The following C1QTNF2 variants were observed in gnomAD, a reference collection of about 807,000 sequenced individuals.
C1QTNF2 encodes the protein C1q and TNF related 2.
Under a neutral mutation model 17.4 loss-of-function variants are expected in C1QTNF2, and 15 were observed. The observed-to-expected ratio is 0.86, with a 90% confidence interval of 0.58 to 1.33. The LOEUF is 1.33. C1QTNF2 is among the 40% of genes most tolerant of loss of function. The pLI is 0.00. For synonymous variants in C1QTNF2, 154 were observed against 163.3 expected, an observed-to-expected ratio of 0.94 and a Z score of 0.44; for missense variants, 381 against 392.3, an observed-to-expected ratio of 0.97 and a Z score of 0.24.
intron 1 of C1QTNF2, among the ~76,000 whole-genome samples, chr5:160,366,826 C>G (rs1271938032): frequency 7.4e-6 from 1 of 134,560 alleles, no homozygotes; most frequent in Non-Finnish European, 1.7e-5. Context: ...GAGTTCGAGA[C>G]CAGCCTGGAC....
chr5:160,362,016 G>A (rs1764163737), intron 1 of C1QTNF2, among the ~76,000 whole-genome samples: 3 of 152,196 alleles, frequency 2.0e-5, no homozygotes, highest in African/African-American at 7.2e-5. Context: ...GGAGCCTAGC[G>A]CAGCACTGCA....
intron 1 of C1QTNF2, among the ~76,000 whole-genome samples, chr5:160,361,684 G>A (rs532468292): frequency 2.6e-5 from 4 of 152,298 alleles, no homozygotes; most frequent in East Asian, 1.9e-4. Flanking sequence ...CACTGTAAAC[G>A]CTCCACGGTT....
At chr5:160,350,790 G>A (rs956379300) in intron 2 of C1QTNF2, among the ~76,000 whole-genome samples, 3 of 142,536 alleles carry the variant, frequency 2.1e-5, no homozygotes, top group Non-Finnish European at 4.5e-5. Flanking sequence ...TTGCTCTGTC[G>A]CCCAGGCTGG....
intron 2 of C1QTNF2, among the ~76,000 whole-genome samples, chr5:160,350,407 G>C (rs1561821172): frequency 6.6e-6 from 1 of 152,196 alleles, no homozygotes; most frequent in Non-Finnish European, 1.5e-5. Flanking sequence ...GACCCTTTGT[G>C]TTAAAAGGAA....
At chr5:160,368,133 G>C (rs575987789) in intron 1 of C1QTNF2, among the ~76,000 whole-genome samples, 1 of 152,298 alleles carries the variant, frequency 6.6e-6, no homozygotes, top group South Asian at 2.1e-4. Flanking sequence ...ATGTGTATGC[G>C]CATGTGTATG....
intron 1 of C1QTNF2, among the ~76,000 whole-genome samples, chr5:160,365,391 T>C (rs1764228444): frequency 6.6e-6 from 1 of 152,192 alleles, no homozygotes; most frequent in Non-Finnish European, 1.5e-5. Context: ...TGGTCAGGCC[T>C]TGATGGGCGT....
chr5:160,362,268 G>A (rs773960334), intron 1 of C1QTNF2, among the ~76,000 whole-genome samples: 1 of 152,090 alleles, frequency 6.6e-6, no homozygotes, highest in East Asian at 1.9e-4. Context: ...CTCTTTATAC[G>A]CTGATTCATG....
At chr5:160,356,772 A>G (rs1489405079) in intron 1 of C1QTNF2, among the ~76,000 whole-genome samples, 1 of 152,118 alleles carries the variant, frequency 6.6e-6, no homozygotes, top group African/African-American at 2.4e-5. Context: ...CTGGGCTTTC[A>G]ATCCCCTTTC....
At chr5:160,369,750 G>A (rs987459637) in intron 1 of C1QTNF2, among the ~76,000 whole-genome samples, 10 of 152,200 alleles carry the variant, frequency 6.6e-5, no homozygotes, top group African/African-American at 2.4e-4. Flanking sequence ...CATGGTGTCA[G>A]AGGAGAGACC....
chr5:160,357,091 C>T (rs909288173), intron 1 of C1QTNF2, among the ~76,000 whole-genome samples: 1 of 152,172 alleles, frequency 6.6e-6, no homozygotes, highest in South Asian at 2.1e-4. Context: ...GCAGTCTAGG[C>T]CCGCCCCAGT....
intron 1 of C1QTNF2, among the ~76,000 whole-genome samples, chr5:160,366,420 A>G (rs2910173): frequency 0.74 from 112,032 of 152,032 alleles, 41,467 homozygotes; most frequent in Middle Eastern, 0.84. Flanking sequence ...AACAAAGAGA[A>G]AGATGATGTC....
chr5:160,362,421 C>T (rs1366372126), intron 1 of C1QTNF2, among the ~76,000 whole-genome samples: 1 of 152,186 alleles, frequency 6.6e-6, no homozygotes, highest in African/African-American at 2.4e-5. Flanking sequence ...GTTAAAGAAA[C>T]CCATAAAGAT....
chr5:160,364,329 A>G lies in C1QTNF2; in HGVS notation c.-10+6183T>C, dbSNP rs543964810. On this transcript the variant is annotated intron_variant, in intron 1 of 2. Coordinates refer to ENST00000652664, the MANE Select transcript of C1QTNF2 (RefSeq NM_031908.6). ...CTGTAGTACCTTTACACGTTACTTA[A>G]TCTCTCCCCTTCAGTCTCCTCCTCT... Among the ~76,000 whole-genome samples, 43 of 152,182 alleles carry G rather than the reference A, an allele frequency of 2.8e-4. No individual in the cohort carries two copies. In the South Asian group the frequency reaches 6.8e-3, roughly 24 times the overall value.
intron 2 of C1QTNF2, among the ~76,000 whole-genome samples, chr5:160,354,240 G>A (rs77422741): frequency 0.034 from 5,132 of 152,084 alleles, 277 homozygotes; most frequent in African/African-American, 0.11. Flanking sequence ...AAGGTGCACC[G>A]GGGGCAGGAA....
At chr5:160,363,419 A>G (rs78186721) in intron 1 of C1QTNF2, among the ~76,000 whole-genome samples, 1,931 of 152,292 alleles carry the variant, frequency 0.013, 43 homozygotes, top group African/African-American at 0.045. Context: ...GGCCCACTTG[A>G]CAGGATGCCT....
At position 160,349,170 on chromosome 5, in the gene C1QTNF2, A is replaced by G; in HGVS notation, c.856T>C (p.Ter286GlnextTer33). The change falls in exon 3 of 3, where the codon TAG (stop) becomes CAG (glutamine). Residue 286 changes from the stop codon to glutamine (Q), a stop_lost. Transcript: ENST00000652664. The surrounding 1 kb of genome is among the most constrained non-coding windows in gnomAD (Gnocchi z 4.3). The stretch of plus-strand genomic sequence containing the variant: ...CCTGGAGGACCGCCGTGGCATGTCT[A>G]TACCTCGTTGGGGTCATCCTGGTCG... Reference protein sequence around the residue: ...YADQDDPNEV* With the variant: ...YADQDDPNEVQ 6.2e-7 allele frequency: 1 copy of G among 1,611,424 alleles called. No individual in the cohort carries two copies. The highest frequency in any genetic ancestry group is 8.5e-7 in the Non-Finnish European group (1 of 1,178,326).
rs1181878594 is a variant in C1QTNF2, at chr5:160,349,032, A to AC, written c.*135_*136insG. The AC allele has an allele frequency of 9.4e-7, 1 of 1,064,146 alleles. No homozygotes were observed. Among genetic ancestry groups the AC allele is most frequent in the Non-Finnish European group, 1.3e-6 (1 of 742,242 alleles). The allele number at this position is 1,064,146 out of a possible 1,614,324, so 65.9% of individuals were successfully genotyped here. On this transcript the variant is annotated 3_prime_UTR_variant, in exon 3 of 3. Coordinates refer to ENST00000652664, the MANE Select transcript of C1QTNF2 (RefSeq NM_031908.6). This position sits in a 1 kb window ranked among gnomAD's most constrained non-coding sequence, Gnocchi z 4.3. Reference sequence around the variant, plus strand: ...GGTTTGGATTTAATGAAGGGGAAAAAAAGAGGCAGAGGAGGTGAGCCTGAG... The same window carrying AC: ...GGTTTGGATTTAATGAAGGGGAAAAACAAGAGGCAGAGGAGGTGAGCCTGAG...
At chr5:160,356,220 C>T (rs545991351) in intron 1 of C1QTNF2, among the ~76,000 whole-genome samples, 56 of 152,352 alleles carry the variant, frequency 3.7e-4, no homozygotes, top group African/African-American at 1.3e-3. Context: ...GGAGGGGGAA[C>T]ATCCCAGGCA....
chr5:160,370,529 A>C lies in C1QTNF2; in HGVS notation c.-27T>G. 1 of 1,490,918 alleles carries C rather than the reference A, an allele frequency of 6.7e-7. No individual in the cohort carries two copies. Among genetic ancestry groups the C allele is most frequent in the South Asian group, 1.3e-5 (1 of 75,768 alleles). 92.4% of individuals were successfully genotyped at this position (1,490,918 alleles called of 1,614,324 possible). A position where few individuals can be genotyped will look rare whatever the true frequency, so the allele number is the denominator to read the frequency against. The stretch of plus-strand genomic sequence containing the variant: ...ACACTCACCCTCGCGGCTGCCCGCC[A>C]CGTCCAGGGGCGTCCGGAGCAAAGA... On this transcript the variant is annotated 5_prime_UTR_variant, in exon 1 of 3. Transcript: ENST00000652664.
Sources: gnomAD v4.1 joint callset for allele counts (sites outside exome capture counted in the v4.1 genomes callset) on GRCh38, gnomAD v4.1.1 for gene constraint, Gnocchi (gnomAD v3.1) non-coding constraint, MANE v1.5 for transcripts, NCBI Gene and HGNC (gene_info 2026-07-23, HGNC 2026-07-21) for gene names.